DNAJB8: variants seen among roughly 807,000 people sequenced by gnomAD.
DNAJB8 encodes the protein dnaJ homolog subfamily B member 8.
For synonymous variants in DNAJB8, 127 were observed against 127.1 expected, an observed-to-expected ratio of 1.00 and a Z score of 0.00; for missense variants, 354 against 318.9, an observed-to-expected ratio of 1.11 and a Z score of -0.84.
intron 2 of DNAJB8, among the ~76,000 whole-genome samples, chr3:128,464,551 C>T (rs190552664): frequency 1.8e-4 from 28 of 152,308 alleles, no homozygotes; most frequent in Admixed American, 3.9e-4. Flanking sequence ...TATTCTTAGG[C>T]ATTTATATTC....
chr3:128,466,467 T>A (rs962481662), intron 1 of DNAJB8, 147 bp downstream of exon 1: 1 of 152,370 alleles, frequency 6.6e-6, no homozygotes, highest in African/African-American at 2.4e-5. Flanking sequence ...GTGAGGGTGG[T>A]TGTGGAAGAG....
chr3:128,463,425 A>G lies in DNAJB8; in HGVS notation c.-180T>C, dbSNP rs2068485805. The stretch of plus-strand genomic sequence containing the variant: ...AGGAGTTCACCTTTTCGTAGTACCA[A>G]TTCTCAGGGACTGGAGGGGCCCCCA... On this transcript the variant is annotated 5_prime_UTR_variant, in exon 3 of 3. Coordinates refer to ENST00000319153, the MANE Select transcript of DNAJB8 (RefSeq NM_153330.6). 2 of 575,312 alleles carry G rather than the reference A, an allele frequency of 3.5e-6. No homozygotes were observed. Among genetic ancestry groups the G allele is most frequent in the Admixed American group, 6.3e-5 (2 of 31,502 alleles). The allele number at this position is 575,312 out of a possible 1,614,324, so 35.6% of individuals were successfully genotyped here.
In DNAJB8 at chr3:128,462,585, TCA is replaced by T; in HGVS notation, c.659_660del (p.Val220GlufsTer39). ...ATCCATTTGAGCTGCTCCTTGCCGTTCACAGTCACCGACTTGAGCTGCCCGTC... is the reference window on the plus strand; with the variant it reads ...ATCCATTTGAGCTGCTCCTTGCCGTTCAGTCACCGACTTGAGCTGCCCGTC... ...EEDGQLKSVT[V>X]NGKEQLKWMD... is the part of the protein sequence containing the mutation. On this transcript the variant is annotated frameshift_variant, in exon 3 of 3. Transcript: ENST00000319153. LOFTEE classifies it high-confidence loss of function. The T allele has an allele frequency of 1.2e-6, 2 of 1,612,788 alleles. No individual in the cohort carries two copies. Among genetic ancestry groups the T allele is most frequent in the South Asian group, 1.1e-5 (1 of 91,030 alleles).
Position 128,462,942 on chromosome 3 carries a change from C to T in DNAJB8, c.304G>A (p.Glu102Lys), listed in dbSNP as rs2068479099. Reference sequence around the variant, plus strand: ...AAAGGGTCCAGGCCACCAAAAAACTCCCGGAAGATGTCCTCAGGGTTACGG... The same window carrying T: ...AAAGGGTCCAGGCCACCAAAAAACTTCCGGAAGATGTCCTCAGGGTTACGG... ...TFRNPEDIFR[E>K]FFGGLDPFSF... The change falls in exon 3 of 3, where the codon GAG becomes AAG. Residue 102 changes from glutamate to lysine, a missense_variant. By Grantham distance (56) the Glu-to-Lys change is moderately conservative. Transcript: ENST00000319153. 1 of 1,614,010 alleles carries T rather than the reference C, an allele frequency of 6.2e-7. No homozygotes were observed. Among genetic ancestry groups the T allele is most frequent in the South Asian group, 1.1e-5 (1 of 91,084 alleles).
In DNAJB8 at chr3:128,463,836, T is replaced by C. The variant is rs1576735138; in HGVS notation, c.-591A>G. 6.0e-6 allele frequency: 1 copy of C among 167,154 alleles called. No individual in the cohort carries two copies. The highest frequency in any genetic ancestry group is 2.1e-4 in the South Asian group (1 of 4,834). The allele number at this position is 167,154 out of a possible 1,614,324, so 10.4% of individuals were successfully genotyped here. ...CAGCTGAGGCAAGAGGAGGCCAAGG[T>C]GGGGTTCAGGCAGGCTGGGGTGGGG... On this transcript the variant is annotated 5_prime_UTR_variant, in exon 3 of 3. Coordinates refer to ENST00000319153, the MANE Select transcript of DNAJB8 (RefSeq NM_153330.6).
chr3:128,464,943 C>T (rs952835010), intron 2 of DNAJB8, among the ~76,000 whole-genome samples: 5 of 148,168 alleles, frequency 3.4e-5, no homozygotes, highest in Non-Finnish European at 6.0e-5. Context: ...CCTCCCTCCC[C>T]TTCCCCCTTC....
intron 2 of DNAJB8, among the ~76,000 whole-genome samples, chr3:128,464,864 T>G (rs2068500190): frequency 8.6e-6 from 1 of 115,914 alleles, no homozygotes. Context: ...TTCCCCCTCC[T>G]TCCTTCATTT....
At chr3:128,464,909 C>T (rs1261661649) in intron 2 of DNAJB8, among the ~76,000 whole-genome samples, 5 of 144,188 alleles carry the variant, frequency 3.5e-5, no homozygotes, top group Non-Finnish European at 6.1e-5. Context: ...CTCCCTTTCT[C>T]CTTCCTTCCT....
Position 128,466,801 on chromosome 3 carries a change from T to A in DNAJB8, c.-1214A>T, listed in dbSNP as rs1470091741. 1 of 152,194 alleles carries A rather than the reference T, an allele frequency of 6.6e-6. No homozygotes were observed. The highest frequency in any genetic ancestry group is 1.5e-5 in the Non-Finnish European group (1 of 68,036). 9.4% of individuals were successfully genotyped at this position (152,194 alleles called of 1,614,324 possible). A position where few individuals can be genotyped will look rare whatever the true frequency, so the allele number is the denominator to read the frequency against. On this transcript the variant is annotated 5_prime_UTR_variant, in exon 1 of 3. In the 5' UTR this introduces an upstream ATG that the reference lacks. Transcript: ENST00000319153. ...GGGCAATCTTCTGCGAAGACCCTGC[T>A]TCTGAGCCACAGGCTGAGGCATGGA...
intron 2 of DNAJB8, among the ~76,000 whole-genome samples, chr3:128,464,565 T>C (rs764715598): frequency 6.6e-6 from 1 of 152,250 alleles, no homozygotes; most frequent in Non-Finnish European, 1.5e-5. Flanking sequence ...TATATTCCTT[T>C]AATTCTTGTT....
Position 128,462,974 on chromosome 3 carries a change from T to C in DNAJB8, c.272A>G (p.Tyr91Cys), listed in dbSNP as rs1576734194. The C allele has an allele frequency of 1.2e-6, 2 of 1,614,096 alleles. No individual in the cohort carries two copies. The highest frequency in any genetic ancestry group is 8.5e-7 in the Non-Finnish European group (1 of 1,180,010). ...GATGTCCTCAGGGTTACGGAAGGTGTAGCCGGTGTCGAAGGGGCTGTGGTA... is the reference window on the plus strand; with the variant it reads ...GATGTCCTCAGGGTTACGGAAGGTGCAGCCGGTGTCGAAGGGGCTGTGGTA... ...TPYHSPFDTG[Y>C]TFRNPEDIFR... The change falls in exon 3 of 3, where the codon TAC becomes TGC. Residue 91 changes from tyrosine to cysteine, a missense_variant. Coordinates refer to ENST00000319153, the MANE Select transcript of DNAJB8 (RefSeq NM_153330.6).
rs1418793055 is a variant in DNAJB8, at chr3:128,463,944, T to A, written c.-699A>T. ...ACAAAGGCGGGAAAGTCTGTCCCTG[T>A]CTAGGACAGTGGCTGGCACACGAGG... On this transcript the variant is annotated 5_prime_UTR_variant, in exon 3 of 3. Coordinates refer to ENST00000319153, the MANE Select transcript of DNAJB8 (RefSeq NM_153330.6). 6.0e-6 allele frequency: 1 copy of A among 167,108 alleles called. No individual in the cohort carries two copies. The highest frequency in any genetic ancestry group is 2.4e-5 in the African/African-American group (1 of 41,414). 10.4% of individuals were successfully genotyped at this position (167,108 alleles called of 1,614,324 possible). A position where few individuals can be genotyped will look rare whatever the true frequency, so the allele number is the denominator to read the frequency against.
At position 128,463,209 on chromosome 3, in the gene DNAJB8, T is replaced by C. The variant is rs761822524; in HGVS notation, c.37A>G (p.Ser13Gly). ...NYYEVLGVQA[S>G]ASPEDIKKAY... is the part of the protein sequence containing the mutation. Reference sequence around the variant, plus strand: ...TTCTTGATGTCCTCCGGGGAAGCGCTGGCCTGCACGCCCAGCACTTCGTAG... The same window carrying C: ...TTCTTGATGTCCTCCGGGGAAGCGCCGGCCTGCACGCCCAGCACTTCGTAG... The change falls in exon 3 of 3, where the codon AGC becomes GGC. Residue 13 changes from serine to glycine, a missense_variant. By Grantham distance (56) the Ser-to-Gly change is moderately conservative. Coordinates refer to ENST00000319153, the MANE Select transcript of DNAJB8 (RefSeq NM_153330.6). 2 of 1,614,000 alleles carry C rather than the reference T, an allele frequency of 1.2e-6. No individual in the cohort carries two copies. The highest frequency in any genetic ancestry group is 1.7e-5 in the Admixed American group (1 of 60,028).
At position 128,465,852 on chromosome 3, in the gene DNAJB8, G is replaced by C. The variant is rs376610968; in HGVS notation, c.-1026-416C>G. 3.9e-5 allele frequency: 6 copies of C among 152,570 alleles called. No homozygotes were observed. The East Asian group carries it at 5.8e-4, about 15-fold the overall frequency. The allele number at this position is 152,570 out of a possible 1,614,324, so 9.5% of individuals were successfully genotyped here. On this transcript the variant is annotated intron_variant, in intron 1 of 2. Coordinates refer to ENST00000319153, the MANE Select transcript of DNAJB8 (RefSeq NM_153330.6). ...GGGAATGGCTCCTAGTGAGCCATTG[G>C]TGTGGTTGGCAGTGGTGACAGTAAT...
intron 1 of DNAJB8, 152 bp from the exon 2 acceptor site, chr3:128,465,588 C>G: frequency 6.6e-6 from 1 of 152,430 alleles, no homozygotes. Flanking sequence ...TAGAGGTGAC[C>G]ATGGGAGCAG....
In DNAJB8 at chr3:128,463,426, T is replaced by G; in HGVS notation, c.-181A>C. On this transcript the variant is annotated 5_prime_UTR_variant, in exon 3 of 3. Transcript: ENST00000319153. ...GGAGTTCACCTTTTCGTAGTACCAA[T>G]TCTCAGGGACTGGAGGGGCCCCCAC... 2 of 567,400 alleles carry G rather than the reference T, an allele frequency of 3.5e-6. No individual in the cohort carries two copies. Among genetic ancestry groups the G allele is most frequent in the Non-Finnish European group, 3.2e-6 (1 of 316,854 alleles). The allele number at this position is 567,400 out of a possible 1,614,324, so 35.1% of individuals were successfully genotyped here.
rs1300112209 is a variant in DNAJB8 at position 128,462,545 on chromosome 3, G to A, written c.*2C>T. On this transcript the variant is annotated 3_prime_UTR_variant, in exon 3 of 3. Coordinates refer to ENST00000319153, the MANE Select transcript of DNAJB8 (RefSeq NM_153330.6). ...GGGAAGGCAGGGCCGGGTGGCCAGCGCCTACTTGCTGTCCATCCATTTGAG... is the reference window on the plus strand; with the variant it reads ...GGGAAGGCAGGGCCGGGTGGCCAGCACCTACTTGCTGTCCATCCATTTGAG... 9 of 1,594,932 alleles carry A rather than the reference G, an allele frequency of 5.6e-6. No individual in the cohort carries two copies. In the East Asian group the frequency reaches 6.7e-5, roughly 12 times the overall value.
chr3:128,462,716 G>A lies in DNAJB8; in HGVS notation c.530C>T (p.Ser177Leu), dbSNP rs374250309. The change falls in exon 3 of 3, where the codon TCG becomes TTG. Residue 177 changes from serine (S) to leucine (L), a missense_variant. By Grantham distance (145) the Ser-to-Leu change is moderately radical. Transcript: ENST00000319153. Reference sequence around the variant, plus strand: ...GGACGACATCACCGACTTGAACCCCGAGCTGCCAGAACTGGAGCCCCCGAA... The same window carrying A: ...GGACGACATCACCGACTTGAACCCCAAGCTGCCAGAACTGGAGCCCCCGAA... ...TSFGGSSSGSSGFKSVMSSTE... is the reference protein window; with the variant it reads ...TSFGGSSSGSLGFKSVMSSTE... 1.1e-4 allele frequency: 184 copies of A among 1,613,952 alleles called. No individual in the cohort carries two copies. The highest frequency in any genetic ancestry group is 3.3e-4 in the Middle Eastern group (2 of 6,060).
At position 128,462,708 on chromosome 3, in the gene DNAJB8, T is replaced by G. The variant is rs2107660028; in HGVS notation, c.538A>C (p.Lys180Gln). The G allele has an allele frequency of 3.1e-6, 5 of 1,603,142 alleles. No homozygotes were observed. The highest frequency in any genetic ancestry group is 4.3e-6 in the Non-Finnish European group (5 of 1,175,494). Residue 180 changes from lysine to glutamine, a missense_variant, in exon 3 of 3, where the codon AAG becomes CAG. Lys to Gln is a moderately conservative substitution (Grantham distance 53). Coordinates refer to ENST00000319153, the MANE Select transcript of DNAJB8 (RefSeq NM_153330.6). Reference sequence around the variant, plus strand: ...ATCTCGGTGGACGACATCACCGACTTGAACCCCGAGCTGCCAGAACTGGAG... The same window carrying G: ...ATCTCGGTGGACGACATCACCGACTGGAACCCCGAGCTGCCAGAACTGGAG... ...GGSSSGSSGFKSVMSSTEMIN... is the reference protein window; with the variant it reads ...GGSSSGSSGFQSVMSSTEMIN...
Sources: allele counts gnomAD v4.1 joint callset (sites outside exome capture counted in the v4.1 genomes callset), GRCh38; gene constraint gnomAD v4.1.1; transcripts MANE v1.5; gene names NCBI Gene and HGNC (gene_info 2026-07-23, HGNC 2026-07-21).